Variants in DTNBP1 observed in about 807,000 individuals in gnomAD.
The protein encoded by DTNBP1 is dysbindin.
DTNBP1 carries 35 observed loss-of-function variants against 42.8 expected under a neutral mutation model. The observed-to-expected ratio is 0.82, with a 90% CI of 0.63 to 1.09. The LOEUF is 1.09. Among genes scored for constraint, DTNBP1 ranks in the 50% least tolerant of loss-of-function variants. DTNBP1 has a pLI of 0.00. For missense variants in DTNBP1, 457 were observed against 424.2 expected (o/e 1.08, Z -0.68); for synonymous variants, 171 against 162.2 (o/e 1.05, Z -0.41).
chr6:15,598,521 C>T (rs1236075477), intron 6 of DTNBP1, among the ~76,000 whole-genome samples: 1 of 152,166 alleles, frequency 6.6e-6, no homozygotes, highest in African/African-American at 2.4e-5. Context: ...AACAGTGTCC[C>T]TTTGTTATGG....
chr6:15,620,698 T>G (rs1358390735), intron 5 of DTNBP1, among the ~76,000 whole-genome samples: 2 of 152,192 alleles, frequency 1.3e-5, no homozygotes, highest in Non-Finnish European at 2.9e-5. Flanking sequence ...ATAGTTAAAT[T>G]TAATATAGAC....
chr6:15,541,947 T>C (rs1381976850), intron 7 of DTNBP1, among the ~76,000 whole-genome samples: 1 of 152,098 alleles, frequency 6.6e-6, no homozygotes, highest in Non-Finnish European at 1.5e-5. Flanking sequence ...TATAGAAAAC[T>C]AGGATAAGCC....
chr6:15,533,013 T>C (rs1053651860), intron 8 of DTNBP1, among the ~76,000 whole-genome samples: 5 of 152,084 alleles, frequency 3.3e-5, no homozygotes, highest in African/African-American at 9.7e-5. Flanking sequence ...CTGTAATCTT[T>C]AGAGGTATTA....
intron 6 of DTNBP1, among the ~76,000 whole-genome samples, chr6:15,609,027 T>C (rs182500001): frequency 1.9e-3 from 286 of 152,312 alleles, no homozygotes; most frequent in African/African-American, 6.6e-3. Context: ...TTCTCACTCC[T>C]TTATTTCTGA....
At position 15,529,516 on chromosome 6, in the gene DTNBP1, C is replaced by G. The variant is rs1265266079; in HGVS notation, c.667+3724G>C. On this transcript the variant is annotated intron_variant, in intron 8 of 9. Coordinates refer to ENST00000344537, the MANE Select transcript of DTNBP1 (RefSeq NM_032122.5). ...AACTTTATTGTAATTTTATCATTAG[C>G]CCCAAACCTCGTTCTCTTCCCAGGG... 1.6e-4 allele frequency among the ~76,000 whole-genome samples: 24 copies of G among 152,296 alleles called. No homozygotes were observed. In the East Asian group the frequency reaches 4.4e-3, roughly 28 times the overall value.
At chr6:15,627,923 T>C (rs1224315272) in intron 4 of DTNBP1, among the ~76,000 whole-genome samples, 1 of 152,114 alleles carries the variant, frequency 6.6e-6, no homozygotes, top group Non-Finnish European at 1.5e-5. Flanking sequence ...ACATTTAGAA[T>C]ATACCATGTT....
chr6:15,580,447 C>T (rs945599623), intron 7 of DTNBP1, among the ~76,000 whole-genome samples: 5 of 152,030 alleles, frequency 3.3e-5, no homozygotes, highest in African/African-American at 7.3e-5. Context: ...TATCTATGTA[C>T]GTATAGAGAT....
intron 7 of DTNBP1, among the ~76,000 whole-genome samples, chr6:15,580,562 A>G (rs148200902): frequency 6.6e-6 from 1 of 152,356 alleles, no homozygotes; most frequent in Non-Finnish European, 1.5e-5. Flanking sequence ...CTCATTTCAT[A>G]AGGGGAAAAA....
At chr6:15,590,364 A>G (rs1283814871) in intron 7 of DTNBP1, among the ~76,000 whole-genome samples, 1 of 152,134 alleles carries the variant, frequency 6.6e-6, no homozygotes, top group Non-Finnish European at 1.5e-5. Flanking sequence ...CATTACTTAT[A>G]TTATGGATAA....
chr6:15,556,760 C>A (rs1774547010), intron 7 of DTNBP1, among the ~76,000 whole-genome samples: 3 of 152,266 alleles, frequency 2.0e-5, no homozygotes, highest in South Asian at 4.1e-4. Flanking sequence ...TCCCTTCCCT[C>A]CTTCCCTTCC....
At chr6:15,566,090 G>A (rs931359704) in intron 7 of DTNBP1, among the ~76,000 whole-genome samples, 11 of 151,982 alleles carry the variant, frequency 7.2e-5, no homozygotes, top group Non-Finnish European at 1.2e-4. Flanking sequence ...CGAGGCGGGC[G>A]GATCACGAGG....
At chr6:15,581,092 G>A (rs909881408) in intron 7 of DTNBP1, among the ~76,000 whole-genome samples, 3 of 152,208 alleles carry the variant, frequency 2.0e-5, no homozygotes, top group Non-Finnish European at 4.4e-5. Flanking sequence ...CTCTACATGG[G>A]ACGAGGTGTT....
chr6:15,547,508 C>T (rs1050901081), intron 7 of DTNBP1, among the ~76,000 whole-genome samples: 7 of 152,146 alleles, frequency 4.6e-5, no homozygotes, highest in African/African-American at 7.2e-5. Context: ...GGGAAACAGA[C>T]GAAGCAGCTG....
At chr6:15,591,740 C>T (rs1323165336) in intron 7 of DTNBP1, among the ~76,000 whole-genome samples, 1 of 152,150 alleles carries the variant, frequency 6.6e-6, no homozygotes, top group Non-Finnish European at 1.5e-5. Context: ...GTAAAACTGA[C>T]ATTTTACATA....
At chr6:15,580,223 G>A (rs1356953990) in intron 7 of DTNBP1, among the ~76,000 whole-genome samples, 2 of 151,920 alleles carry the variant, frequency 1.3e-5, no homozygotes, top group South Asian at 2.1e-4. Context: ...TTTACCTCCC[G>A]TCACACCTCA....
intron 3 of DTNBP1, among the ~76,000 whole-genome samples, chr6:15,638,497 G>T (rs1043480309): frequency 1.8e-4 from 28 of 152,078 alleles, no homozygotes; most frequent in African/African-American, 5.6e-4. Context: ...GTTTTAAAAA[G>T]AATTTTAATG....
intron 1 of DTNBP1, among the ~76,000 whole-genome samples, chr6:15,659,756 G>GT (rs1332404107): frequency 2.0e-5 from 3 of 151,978 alleles, no homozygotes; most frequent in Non-Finnish European, 4.4e-5. Flanking sequence ...GTTTCACCAC[G>GT]TTGGCCAAGC....
chr6:15,542,639 G>A (rs1021107685), intron 7 of DTNBP1, among the ~76,000 whole-genome samples: 1 of 152,044 alleles, frequency 6.6e-6, no homozygotes, highest in Non-Finnish European at 1.5e-5. Flanking sequence ...CAAAGTGCTA[G>A]GATTACAGGT....
At chr6:15,626,125 G>A (rs980659412) in intron 5 of DTNBP1, among the ~76,000 whole-genome samples, 3 of 152,100 alleles carry the variant, frequency 2.0e-5, no homozygotes, top group Admixed American at 1.3e-4. Flanking sequence ...TACTGATATT[G>A]AGGATATCAT....
Sources: gnomAD v4.1 joint callset for allele counts (sites outside exome capture counted in the v4.1 genomes callset) on GRCh38, gnomAD v4.1.1 for gene constraint, MANE v1.5 for transcripts, NCBI Gene and HGNC (gene_info 2026-07-23, HGNC 2026-07-21) for gene names.